SPAG16: variants seen among roughly 807,000 people sequenced by gnomAD.
SPAG16 encodes sperm-associated antigen 16 protein.
A neutral mutation model predicts 80.4 loss-of-function variants in SPAG16; 86 were observed. That is an observed-to-expected ratio of 1.07 (90% CI 0.90 to 1.28). The LOEUF (loss-of-function observed/expected upper bound fraction) is 1.28, where lower values mean the gene tolerates loss of function less well. Ranked by LOEUF, SPAG16 falls within the 50% of genes most tolerant of loss-of-function variation. The pLI is 0.00. For synonymous variants in SPAG16, 294 were observed against 265.9 expected (o/e 1.11, Z -1.03); for missense variants, 870 against 765.3 (o/e 1.14, Z -1.61).
At chr2:214,117,910 A>G (rs575777098) in intron 14 of SPAG16, among the ~76,000 whole-genome samples, 13 of 152,316 alleles carry the variant, frequency 8.5e-5, no homozygotes, top group African/African-American at 2.6e-4. Flanking sequence ...AAATAGGGAA[A>G]AGCTGAAAGT....
chr2:213,889,013 C>A (rs1203520562), intron 11 of SPAG16, among the ~76,000 whole-genome samples: 1 of 151,700 alleles, frequency 6.6e-6, no homozygotes, highest in Admixed American at 6.6e-5. Context: ...TTTTAAAACA[C>A]CATAAAATAT....
In SPAG16 at chr2:213,953,011, A is replaced by T. The variant is rs1031114329; in HGVS notation, c.1400+22866A>T. 2.0e-5 allele frequency among the ~76,000 whole-genome samples: 3 copies of T among 152,060 alleles called. 1 individual carries two copies. In the South Asian group the frequency reaches 6.2e-4, roughly 31 times the overall value. ...CATAATTGTAGAAACCTTCCCAAAG[A>T]AAATGATATAGAACACATATAATTG... On this transcript the variant is annotated intron_variant, in intron 12 of 15. Coordinates refer to ENST00000331683, the MANE Select transcript of SPAG16 (RefSeq NM_024532.5).
intron 15 of SPAG16, among the ~76,000 whole-genome samples, chr2:214,160,339 A>G (rs2056389183): frequency 6.6e-6 from 1 of 151,208 alleles, no homozygotes; most frequent in East Asian, 1.9e-4. Flanking sequence ...TTTTTCTTGT[A>G]TTTATACTAC....
At chr2:213,675,721 C>A (rs2064031124) in intron 10 of SPAG16, among the ~76,000 whole-genome samples, 2 of 151,936 alleles carry the variant, frequency 1.3e-5, no homozygotes, top group African/African-American at 4.8e-5. Context: ...TTTCTGAGGG[C>A]TCTGTTCTGT....
Position 213,535,289 on chromosome 2 carries a change from T to C in SPAG16, c.1070+45199T>C, listed in dbSNP as rs1559230113. ...AATGATCTGGAAATAACAATGATGA[T>C]AGAATTAGCATACAAGTATATTAAA... On this transcript the variant is annotated intron_variant, in intron 10 of 15. Coordinates refer to ENST00000331683, the MANE Select transcript of SPAG16 (RefSeq NM_024532.5). 3.3e-5 allele frequency among the ~76,000 whole-genome samples: 5 copies of C among 152,220 alleles called. No individual in the cohort carries two copies. In the South Asian group the frequency reaches 1.0e-3, roughly 32 times the overall value.
At chr2:214,018,059 A>G (rs2047678127) in intron 13 of SPAG16, among the ~76,000 whole-genome samples, 1 of 152,132 alleles carries the variant, frequency 6.6e-6, no homozygotes, top group South Asian at 2.1e-4. Flanking sequence ...ATAGCTATGT[A>G]CTGTAAAAAA....
chr2:214,176,369 C>A (rs1323016907), intron 15 of SPAG16, among the ~76,000 whole-genome samples: 1 of 150,960 alleles, frequency 6.6e-6, no homozygotes, highest in African/African-American at 2.4e-5. Flanking sequence ...ACAGGATATA[C>A]CTGTAGAATA....
At chr2:213,638,945 A>T (rs1262682017) in intron 10 of SPAG16, among the ~76,000 whole-genome samples, 1 of 152,184 alleles carries the variant, frequency 6.6e-6, no homozygotes, top group East Asian at 1.9e-4. Context: ...ATATATATTT[A>T]GGATTGTGAT....
chr2:213,827,954 C>T (rs562536700), intron 10 of SPAG16, among the ~76,000 whole-genome samples: 10 of 152,140 alleles, frequency 6.6e-5, no homozygotes, highest in African/African-American at 2.4e-4. Context: ...TATCCTTGAT[C>T]TTTGGAAGTT....
chr2:213,586,803 G>C (rs1326103278), intron 10 of SPAG16, among the ~76,000 whole-genome samples: 1 of 152,190 alleles, frequency 6.6e-6, no homozygotes. Context: ...TTCTAGAAGG[G>C]AGAAACATTG....
intron 15 of SPAG16, among the ~76,000 whole-genome samples, chr2:214,354,567 T>C (rs1698649131): frequency 6.6e-6 from 1 of 152,170 alleles, no homozygotes; most frequent in South Asian, 2.1e-4. Context: ...GGGATGGCAT[T>C]GAATCTATAA....
chr2:214,177,071 T>C (rs1035899044), intron 15 of SPAG16, among the ~76,000 whole-genome samples: 3 of 151,238 alleles, frequency 2.0e-5, no homozygotes, highest in African/African-American at 7.3e-5. Context: ...TCAAGAATTA[T>C]GTTTGGAATA....
intron 10 of SPAG16, among the ~76,000 whole-genome samples, chr2:213,805,088 A>T (rs2071685064): frequency 6.6e-6 from 1 of 152,182 alleles, no homozygotes; most frequent in East Asian, 1.9e-4. Context: ...GAGATTGTCA[A>T]ATGTATTTAT....
At chr2:214,098,424 G>A (rs986690222) in intron 13 of SPAG16, among the ~76,000 whole-genome samples, 2 of 151,970 alleles carry the variant, frequency 1.3e-5, no homozygotes, top group African/African-American at 2.4e-5. Flanking sequence ...TCATCAGGTT[G>A]GGCCCAAATG....
At chr2:213,408,300 A>T (rs574692901) in intron 9 of SPAG16, among the ~76,000 whole-genome samples, 1 of 152,314 alleles carries the variant, frequency 6.6e-6, no homozygotes, top group South Asian at 2.1e-4. Flanking sequence ...TAGCCTTCCT[A>T]TAAAAAATCC....
chr2:214,322,104 C>T (rs1386896387), intron 15 of SPAG16, among the ~76,000 whole-genome samples: 3 of 152,178 alleles, frequency 2.0e-5, no homozygotes, highest in South Asian at 2.1e-4. Flanking sequence ...CTGTCTTGGA[C>T]ATATTTCTAT....
chr2:213,740,254 A>G (rs1199510123), intron 10 of SPAG16, among the ~76,000 whole-genome samples: 1 of 152,226 alleles, frequency 6.6e-6, no homozygotes, highest in Non-Finnish European at 1.5e-5. Context: ...AATAATCAAT[A>G]TAATCTCTAT....
At chr2:213,361,412 C>G (rs1036922466) in intron 7 of SPAG16, among the ~76,000 whole-genome samples, 1 of 138,232 alleles carries the variant, frequency 7.2e-6, no homozygotes, top group African/African-American at 2.5e-5. Context: ...AAAACTAAAT[C>G]TAAATATATA....
At chr2:214,198,091 A>AATTTTT (rs1288297020) in intron 15 of SPAG16, among the ~76,000 whole-genome samples, 2 of 151,850 alleles carry the variant, frequency 1.3e-5, no homozygotes, top group African/African-American at 4.8e-5. Context: ...TTTATTGTGT[A>AATTTTT]ATTTTTATTT....
Sources: gnomAD v4.1 joint callset for allele counts (sites outside exome capture counted in the v4.1 genomes callset) on GRCh38, gnomAD v4.1.1 for gene constraint, MANE v1.5 for transcripts, NCBI Gene and HGNC (gene_info 2026-07-23, HGNC 2026-07-21) for gene names.